MTMR7: variants seen among roughly 807,000 people sequenced by gnomAD.
MTMR7 encodes the protein myotubularin related protein 7.
Under a neutral mutation model 81.2 loss-of-function variants are expected in MTMR7, and 76 were observed. The observed-to-expected ratio is 0.94, with a 90% CI of 0.78 to 1.13. The LOEUF is 1.13. Ranked by LOEUF, MTMR7 falls within the 50% of genes most tolerant of loss-of-function variation. The probability of loss-of-function intolerance (pLI) is 0.00; values close to 1 mark genes in which losing one functional copy is unlikely to be tolerated. For missense variants in MTMR7, 1,044 were observed against 820.0 expected, an observed-to-expected ratio of 1.27 and a Z score of -3.34; for synonymous variants, 372 against 289.8, an observed-to-expected ratio of 1.28 and a Z score of -2.88.
At chr8:17,365,742 T>C (rs1166796421) in intron 3 of MTMR7, among the ~76,000 whole-genome samples, 1 of 152,216 alleles carries the variant, frequency 6.6e-6, no homozygotes, top group African/African-American at 2.4e-5. Flanking sequence ...AGTGGAAATC[T>C]TGGTATTTAC....
At chr8:17,334,377 G>A (rs929479863) in intron 6 of MTMR7, among the ~76,000 whole-genome samples, 1 of 152,132 alleles carries the variant, frequency 6.6e-6, no homozygotes, top group African/African-American at 2.4e-5. Context: ...ACGGTCCTCT[G>A]TCCCTTTGAC....
intron 9 of MTMR7, 56 bp from the exon 10 acceptor site, chr8:17,309,382 C>G: frequency 8.5e-7 from 1 of 1,175,224 alleles, no homozygotes; most frequent in Non-Finnish European, 1.3e-6. Flanking sequence ...AATAAGAGAC[C>G]ACACAACCAA....
chr8:17,315,760 C>G (rs1818033151), intron 7 of MTMR7, among the ~76,000 whole-genome samples: 1 of 151,896 alleles, frequency 6.6e-6, no homozygotes, highest in Admixed American at 6.6e-5. Flanking sequence ...ACCTGTAATC[C>G]CAGCACTTTG....
At chr8:17,339,921 T>G (rs1819355818) in intron 6 of MTMR7, among the ~76,000 whole-genome samples, 2 of 152,372 alleles carry the variant, frequency 1.3e-5, no homozygotes, top group South Asian at 4.1e-4. Context: ...GAAAAACCAC[T>G]GTAAACAGTG....
intron 7 of MTMR7, among the ~76,000 whole-genome samples, 164 bp downstream of exon 7, chr8:17,330,986 A>G (rs940463622): frequency 6.6e-6 from 1 of 152,256 alleles, no homozygotes; most frequent in Non-Finnish European, 1.5e-5. Context: ...ATGCTTACAA[A>G]TAAGAGAAAC....
At chr8:17,374,020 C>T (rs1421647878) in intron 1 of MTMR7, among the ~76,000 whole-genome samples, 7 of 152,198 alleles carry the variant, frequency 4.6e-5, no homozygotes, top group Non-Finnish European at 1.0e-4. Context: ...GACACAGCCA[C>T]CATAACCACC....
Position 17,302,020 on chromosome 8 carries a change from G to T in MTMR7, c.1620+134C>A. The T allele has an allele frequency of 4.3e-6, 5 of 1,154,606 alleles. 1 individual carries two copies. In the South Asian group the frequency reaches 7.2e-5, roughly 17 times the overall value. The allele number at this position is 1,154,606 out of a possible 1,614,324, so 71.5% of individuals were successfully genotyped here. A position where few individuals can be genotyped will look rare whatever the true frequency, so the allele number is the denominator to read the frequency against. On this transcript the variant is annotated intron_variant, in intron 13 of 13. Transcript: ENST00000180173. ...TTATCTGAGTCCTGACCTGGATGGGGTTGTGTTTCAGGTGTTCTACTGACT... is the reference window on the plus strand; with the variant it reads ...TTATCTGAGTCCTGACCTGGATGGGTTTGTGTTTCAGGTGTTCTACTGACT...
intron 7 of MTMR7, among the ~76,000 whole-genome samples, chr8:17,328,790 G>A (rs1818832659): frequency 1.3e-5 from 2 of 152,160 alleles, no homozygotes; most frequent in Admixed American, 1.3e-4. Context: ...TTATCAAAAG[G>A]GAAACTATCG....
chr8:17,319,899 G>T (rs142174439), intron 7 of MTMR7, among the ~76,000 whole-genome samples: 1 of 152,180 alleles, frequency 6.6e-6, no homozygotes, highest in Non-Finnish European at 1.5e-5. Flanking sequence ...TTACAACAGT[G>T]CTGCCCTAAT....
intron 7 of MTMR7, among the ~76,000 whole-genome samples, chr8:17,314,482 T>C (rs1046087184): frequency 1.3e-5 from 2 of 152,170 alleles, no homozygotes; most frequent in African/African-American, 4.8e-5. Flanking sequence ...AGATTCAACT[T>C]TGTGAACTCT....
At chr8:17,343,127 G>A (rs1294466698) in intron 5 of MTMR7, among the ~76,000 whole-genome samples, 1 of 152,118 alleles carries the variant, frequency 6.6e-6, no homozygotes, top group African/African-American at 2.4e-5. Flanking sequence ...CTTTATCCGG[G>A]TTAAAGAAAT....
At chr8:17,387,843 TA>T (rs1175517749) in intron 1 of MTMR7, among the ~76,000 whole-genome samples, 53 of 152,192 alleles carry the variant, frequency 3.5e-4, no homozygotes, top group Admixed American at 3.5e-3. Context: ...TAGGTCAAGG[TA>T]AAAAAAATTC....
rs762398917 is a variant in MTMR7 at position 17,348,945 on chromosome 8, A to C, written c.597+8T>G. 3.1e-6 allele frequency: 5 copies of C among 1,613,772 alleles called. No individual in the cohort carries two copies. Among genetic ancestry groups the C allele is most frequent in the Non-Finnish European group, 4.2e-6 (5 of 1,179,952 alleles). On this transcript the variant is annotated splice_region_variant and intron_variant, in intron 5 of 13. Coordinates refer to ENST00000180173, the MANE Select transcript of MTMR7 (RefSeq NM_004686.5). ...AAGTGTAAAACAAAAACACGCCTCG[A>C]GACTTACGTGGTTATCTTTATAATA... is the stretch of plus-strand genomic sequence containing the variant.
rs778095003 is a variant in MTMR7 at position 17,373,216 on chromosome 8, G to A, written c.49C>T (p.Arg17Ter). Residue 17 changes from arginine (R) to a stop codon, truncating the protein, a stop_gained, in exon 2 of 14, where the codon CGA becomes TGA. Coordinates refer to ENST00000180173, the MANE Select transcript of MTMR7 (RefSeq NM_004686.5). LOFTEE classifies it high-confidence loss of function. ...AGAGCTGCTTTTTTAGGAGACACTC[G>A]ATCTACCAAGCGGACATTTTCAACC... is the stretch of plus-strand genomic sequence containing the variant. ...PKVENVRLVD[R>*]VSPKKAALGT... The A allele has an allele frequency of 2.5e-6, 4 of 1,613,284 alleles. No homozygotes were observed. The African/African-American group carries it at 4.0e-5, about 16-fold the overall frequency.
intron 3 of MTMR7, among the ~76,000 whole-genome samples, chr8:17,363,782 G>A (rs1305949618): frequency 1.3e-5 from 2 of 151,902 alleles, no homozygotes; most frequent in African/African-American, 4.8e-5. Flanking sequence ...AAATCGAAAA[G>A]CGCCACTAGC....
intron 1 of MTMR7, among the ~76,000 whole-genome samples, chr8:17,409,441 G>A (rs539999030): frequency 1.3e-5 from 2 of 152,204 alleles, no homozygotes; most frequent in East Asian, 3.9e-4. Context: ...TCCAGCCTGG[G>A]CCACAGAGCA....
Position 17,365,444 on chromosome 8 carries a change from T to C in MTMR7, c.311-4170A>G, listed in dbSNP as rs550233244. Among the ~76,000 whole-genome samples, 3 of 152,294 alleles carry C rather than the reference T, an allele frequency of 2.0e-5. No individual in the cohort carries two copies. The South Asian group carries it at 6.2e-4, about 32-fold the overall frequency. On this transcript the variant is annotated intron_variant, in intron 3 of 13. Coordinates refer to ENST00000180173, the MANE Select transcript of MTMR7 (RefSeq NM_004686.5). ...ACAGAGAGAAAATATTTGCCCACTC[T>C]AGGAAGGTCATATCCCTCACCTGAT...
At chr8:17,315,305 CAGT>C (rs1346993564) in intron 7 of MTMR7, among the ~76,000 whole-genome samples, 6 of 151,908 alleles carry the variant, frequency 3.9e-5, no homozygotes, top group Admixed American at 1.3e-4. Flanking sequence ...ACTACGGAGA[CAGT>C]AAAAAAATCA....
At chr8:17,326,902 A>G (rs1018761833) in intron 7 of MTMR7, among the ~76,000 whole-genome samples, 2 of 152,230 alleles carry the variant, frequency 1.3e-5, no homozygotes, top group Non-Finnish European at 2.9e-5. Context: ...TTAAAAAAGG[A>G]ATATACCGAC....
Sources: allele counts gnomAD v4.1 joint callset (sites outside exome capture counted in the v4.1 genomes callset), GRCh38; gene constraint gnomAD v4.1.1; transcripts MANE v1.5; gene names NCBI Gene and HGNC (gene_info 2026-07-23, HGNC 2026-07-21).